DAB1: variants seen among roughly 807,000 people sequenced by gnomAD.
DAB1 encodes DAB adaptor protein 1, also known as disabled homolog 1.
A neutral mutation model predicts 64.6 loss-of-function variants in DAB1; 15 were observed. The ratio of observed to expected loss-of-function variants is 0.23; its 90% CI spans 0.16 to 0.36. The LOEUF is 0.36. Among genes scored for constraint, DAB1 ranks in the 10% least tolerant of loss-of-function variants. DAB1 has a pLI of 1.00. For synonymous variants in DAB1, 235 were observed against 251.9 expected, an observed-to-expected ratio of 0.93 and a Z score of 0.64; for missense variants, 596 against 706.7, an observed-to-expected ratio of 0.84 and a Z score of 1.78.
chr1:57,777,312 T>G (rs1448950520), intron 6 of DAB1, among the ~76,000 whole-genome samples: 2 of 151,720 alleles, frequency 1.3e-5, no homozygotes, highest in African/African-American at 4.8e-5. Context: ...TTATCCTGCT[T>G]GATTTTCATT....
chr1:57,263,591 C>G (rs927984515), intron 2 of DAB1, among the ~76,000 whole-genome samples: 7 of 152,100 alleles, frequency 4.6e-5, no homozygotes, highest in African/African-American at 1.7e-4. Context: ...TGGTAGCAGC[C>G]ACAGCAGTAA....
At chr1:57,695,361 G>GGA (rs1646820519) in intron 6 of DAB1, among the ~76,000 whole-genome samples, 9 of 68,628 alleles carry the variant, frequency 1.3e-4, no homozygotes, top group African/African-American at 4.7e-4. Context: ...AGAAAAGAAA[G>GGA]AAGAAAGAAA....
chr1:57,285,956 A>G (rs1490043598), intron 2 of DAB1, among the ~76,000 whole-genome samples: 2 of 152,204 alleles, frequency 1.3e-5, no homozygotes, highest in Non-Finnish European at 2.9e-5. Context: ...AAAAATATAC[A>G]TTCTTTTCCT....
intron 3 of DAB1, among the ~76,000 whole-genome samples, chr1:58,380,528 C>T (rs890092870): frequency 6.6e-6 from 1 of 152,202 alleles, no homozygotes; most frequent in Non-Finnish European, 1.5e-5. Context: ...AAATTAACAT[C>T]TATTATGCTG....
At chr1:57,961,903 C>T (rs1309887051) in intron 5 of DAB1, among the ~76,000 whole-genome samples, 2 of 151,060 alleles carry the variant, frequency 1.3e-5, no homozygotes, top group East Asian at 3.9e-4. Context: ...ACCTGGGAGG[C>T]GGAGGTTGCA....
intron 6 of DAB1, among the ~76,000 whole-genome samples, chr1:57,759,402 G>A (rs928610967): frequency 1.3e-5 from 2 of 152,140 alleles, no homozygotes; most frequent in East Asian, 3.8e-4. Flanking sequence ...TGTGTAAAGA[G>A]CTTAATTATG....
chr1:57,049,266 G>A (rs1478824937), intron 9 of DAB1, among the ~76,000 whole-genome samples: 2 of 151,402 alleles, frequency 1.3e-5, no homozygotes, highest in Non-Finnish European at 2.9e-5. Flanking sequence ...TGGCTAACAC[G>A]GTGAAACCCT....
At chr1:57,723,872 A>T (rs1323652808) in intron 6 of DAB1, among the ~76,000 whole-genome samples, 1 of 152,200 alleles carries the variant, frequency 6.6e-6, no homozygotes, top group African/African-American at 2.4e-5. Flanking sequence ...TGAGTGAAGC[A>T]AAAACTATTG....
rs1662668116 is a variant in DAB1 at position 58,320,984 on chromosome 1, C to T, written n.309+22368G>A. ...GAACCTACTTAATAGCTCTGACTCC[C>T]ACCTGGCAGGCATGCCATAGTTCCA... On this transcript the variant is annotated intron_variant and non_coding_transcript_variant, in intron 4 of 20. Transcript: ENST00000485760. Among the ~76,000 whole-genome samples the T allele has an allele frequency of 3.3e-5, 5 of 152,212 alleles. No individual in the cohort carries two copies. The South Asian group carries it at 1.0e-3, about 32-fold the overall frequency.
Position 57,814,860 on chromosome 1 carries a change from C to T in DAB1, n.551+69139G>A, listed in dbSNP as rs78538910. 7.1e-4 allele frequency among the ~76,000 whole-genome samples: 108 copies of T among 152,184 alleles called. No homozygotes were observed. The East Asian group carries it at 0.018, about 25-fold the overall frequency. On this transcript the variant is annotated intron_variant and non_coding_transcript_variant, in intron 6 of 20. Transcript: ENST00000485760. ...ATTCATTGTATGAGTGTGAGCAAAT[C>T]GCTTAGTGCCCTGAGAGTCTGTTCT...
intron 5 of DAB1, among the ~76,000 whole-genome samples, chr1:58,127,077 A>G (rs1371713243): frequency 7.9e-5 from 12 of 150,990 alleles, no homozygotes; most frequent in African/African-American, 1.5e-4. Context: ...TCCCACCAAC[A>G]GTGTAAACGT....
At chr1:57,969,853 A>G (rs377553976) in intron 5 of DAB1, among the ~76,000 whole-genome samples, 2 of 152,146 alleles carry the variant, frequency 1.3e-5, no homozygotes, top group East Asian at 1.9e-4. Context: ...TGTGCTTTAG[A>G]TATTGCTACA....
intron 5 of DAB1, among the ~76,000 whole-genome samples, chr1:57,908,042 G>A (rs1001609201): frequency 6.6e-6 from 1 of 151,716 alleles, no homozygotes; most frequent in Admixed American, 6.6e-5. Context: ...AGTATCTATA[G>A]ATGCTCTGTT....
chr1:57,685,836 G>A (rs994983385), intron 6 of DAB1, among the ~76,000 whole-genome samples: 1 of 152,048 alleles, frequency 6.6e-6, no homozygotes, highest in Non-Finnish European at 1.5e-5. Context: ...AATTAAGGCA[G>A]AAATAAAAAA....
At chr1:58,031,187 A>T (rs1487580285) in intron 5 of DAB1, among the ~76,000 whole-genome samples, 1 of 152,178 alleles carries the variant, frequency 6.6e-6, no homozygotes, top group Non-Finnish European at 1.5e-5. Context: ...TGGCTTACAG[A>T]ACAAAAAAAT....
chr1:57,068,995 G>A (rs1357409883), intron 8 of DAB1, among the ~76,000 whole-genome samples: 1 of 152,138 alleles, frequency 6.6e-6, no homozygotes, highest in Non-Finnish European at 1.5e-5. Flanking sequence ...ATTTTCAGTA[G>A]CGGAGTTGGC....
At position 57,529,406 on chromosome 1, in the gene DAB1, A is replaced by C. The variant is rs922750686; in HGVS notation, n.625+120186T>G. Among the ~76,000 whole-genome samples the C allele has an allele frequency of 1.3e-5, 2 of 152,144 alleles. 1 individual carries two copies. The highest frequency in any genetic ancestry group is 2.9e-5 in the Non-Finnish European group (2 of 67,974). The stretch of plus-strand genomic sequence containing the variant: ...TCTTAATTACATTAAATGTAAATAG[A>C]CTAAATACCATGTAAAAAGCAAAGA... On this transcript the variant is annotated intron_variant and non_coding_transcript_variant, in intron 7 of 20. Transcript: ENST00000485760.
At chr1:57,398,734 G>A (rs1032602472) in intron 1 of DAB1, among the ~76,000 whole-genome samples, 1 of 152,192 alleles carries the variant, frequency 6.6e-6, no homozygotes, top group African/African-American at 2.4e-5. Flanking sequence ...CTCCCCAAAC[G>A]TCTTAACAAC....
chr1:58,174,524 C>G (rs1278076477), intron 4 of DAB1, among the ~76,000 whole-genome samples: 3 of 152,182 alleles, frequency 2.0e-5, no homozygotes, highest in Admixed American at 2.0e-4. Flanking sequence ...CCTTCTTCAC[C>G]CCATCCAGCA....
Sources: allele counts gnomAD v4.1 joint callset (sites outside exome capture counted in the v4.1 genomes callset), GRCh38; gene constraint gnomAD v4.1.1; transcripts MANE v1.5; gene names NCBI Gene and HGNC (gene_info 2026-07-23, HGNC 2026-07-21).